Variants in EPHX1 observed in about 807,000 individuals in gnomAD.
EPHX1 encodes the protein epoxide hydrolase 1, also known as epoxide hydratase.
EPHX1 carries 40 observed loss-of-function variants against 43.2 expected under a neutral mutation model. That is an observed-to-expected ratio of 0.93 (90% CI 0.72 to 1.21). The LOEUF (loss-of-function observed/expected upper bound fraction) is 1.21. Among genes scored for constraint, EPHX1 ranks in the 50% most tolerant of loss-of-function variants. EPHX1 has a pLI of 0.00. For synonymous variants in EPHX1, 221 were observed against 226.7 expected, an observed-to-expected ratio of 0.98 and a Z score of 0.22; for missense variants, 550 against 570.4, an observed-to-expected ratio of 0.96 and a Z score of 0.36.
intron 3 of EPHX1, among the ~76,000 whole-genome samples, chr1:225,834,481 T>G (rs986317025): frequency 2.0e-5 from 3 of 150,302 alleles, no homozygotes; most frequent in African/African-American, 7.4e-5. Context: ...CTTGTTCTGA[T>G]GCAAGCAGGC....
intron 8 of EPHX1, 50 bp from the exon 9 acceptor site, chr1:225,845,096 A>AG (rs1019197129): frequency 2.5e-6 from 4 of 1,598,194 alleles, no homozygotes; most frequent in Non-Finnish European, 3.4e-6. Flanking sequence ...TGCAGGACGG[A>AG]GGGGCGCAGG....
intron 1 of EPHX1, among the ~76,000 whole-genome samples, chr1:225,825,708 G>A (rs543960956): frequency 6.6e-6 from 1 of 152,228 alleles, no homozygotes; most frequent in African/African-American, 2.4e-5. Context: ...CCAGTCACCA[G>A]TGCTGGGCAC....
intron 1 of EPHX1, among the ~76,000 whole-genome samples, chr1:225,813,171 G>A (rs1351297909): frequency 6.6e-6 from 1 of 152,242 alleles, no homozygotes; most frequent in African/African-American, 2.4e-5. Flanking sequence ...GACTCAGTGG[G>A]CCCTGTAGCC....
rs1352363574 is a variant in EPHX1 at position 225,810,183 on chromosome 1, G to T, written c.-6+14G>T. The T allele has an allele frequency of 1.3e-5, 2 of 151,478 alleles. No individual in the cohort carries two copies. Among genetic ancestry groups the T allele is most frequent in the East Asian group, 3.9e-4 (2 of 5,166 alleles). 9.4% of individuals were successfully genotyped at this position (151,478 alleles called of 1,614,324 possible). ...CGAGCCGAGACCGTAAGCGCCCGGGGCCGGCCGGGCCCGCACTCCCCGGAC... is the reference window on the plus strand; with the variant it reads ...CGAGCCGAGACCGTAAGCGCCCGGGTCCGGCCGGGCCCGCACTCCCCGGAC... On this transcript the variant is annotated intron_variant, in intron 1 of 8. Coordinates refer to ENST00000272167, the MANE Select transcript of EPHX1 (RefSeq NM_001136018.4).
chr1:225,838,249 A>G (rs1374428755), intron 3 of EPHX1, among the ~76,000 whole-genome samples: 1 of 152,186 alleles, frequency 6.6e-6, no homozygotes, highest in Admixed American at 6.5e-5. Flanking sequence ...TTAATCCTGT[A>G]TTGCTGGATA....
chr1:225,810,262 CG>C (rs1666409716), intron 1 of EPHX1, 93 bp downstream of exon 1: 1 of 151,240 alleles, frequency 6.6e-6, no homozygotes, highest in East Asian at 1.9e-4. Context: ...GGCGGCGGGC[CG>C]GGGCGCCGAG....
intron 6 of EPHX1, among the ~76,000 whole-genome samples, chr1:225,841,496 C>T (rs1668407843): frequency 6.6e-6 from 1 of 151,488 alleles, no homozygotes; most frequent in South Asian, 2.1e-4. Flanking sequence ...GTTGGCCAGG[C>T]TGGTCTCGAA....
At chr1:225,839,760 G>A (rs903486054) in intron 5 of EPHX1, 69 bp from the exon 6 acceptor site, 36 of 1,519,774 alleles carry the variant, frequency 2.4e-5, no homozygotes, top group Non-Finnish European at 2.9e-5. Flanking sequence ...CTGTTCCTCC[G>A]CCATCTCTCC....
chr1:225,839,250 A>G lies in EPHX1; in HGVS notation c.626A>G (p.Tyr209Cys), dbSNP rs760679600. ...TCGGTGGCCACCGCCAGGATCTTTT[A>G]CAAGCTGATGCTGCGGCTGGGCTTC... ...FNSVATARIF[Y>C]KLMLRLGFQE... The change falls in exon 5 of 9, where the codon TAC (tyrosine) becomes TGC (cysteine). Residue 209 changes from tyrosine (Y) to cysteine (C), a missense_variant. Coordinates refer to ENST00000272167, the MANE Select transcript of EPHX1 (RefSeq NM_001136018.4). 1.2e-6 allele frequency: 2 copies of G among 1,614,096 alleles called. No homozygotes were observed. The highest frequency in any genetic ancestry group is 1.7e-6 in the Non-Finnish European group (2 of 1,180,006).
At chr1:225,832,054 T>G in intron 3 of EPHX1, 95 bp downstream of exon 3, 1 of 1,387,078 alleles carries the variant, frequency 7.2e-7, no homozygotes, top group South Asian at 1.2e-5. Flanking sequence ...TTGGAGAGAT[T>G]CAGAACCCAA....
intron 1 of EPHX1, among the ~76,000 whole-genome samples, chr1:225,828,003 G>A: frequency 6.6e-6 from 1 of 152,264 alleles, no homozygotes; most frequent in Middle Eastern, 3.4e-3. Context: ...CCTCTCCCCT[G>A]GGGGAGGGAA....
intron 3 of EPHX1, among the ~76,000 whole-genome samples, chr1:225,833,188 CAT>C (rs975066610): frequency 1.1e-4 from 16 of 152,276 alleles, no homozygotes; most frequent in Non-Finnish European, 1.9e-4. Context: ...AGAAATTGTA[CAT>C]GTTAGGAATC....
rs1667905920 is a variant in EPHX1, at chr1:225,835,463, C to A, written c.365-3191C>A. Among the ~76,000 whole-genome samples, 4 of 148,216 alleles carry A rather than the reference C, an allele frequency of 2.7e-5. No homozygotes were observed. In the Admixed American group the frequency reaches 2.7e-4, roughly 10 times the overall value. On this transcript the variant is annotated intron_variant, in intron 3 of 8. Transcript: ENST00000272167. ...GGAGTGCAGTGACGCAATCTCGACT[C>A]ACTGCAAGCTCCGCCTCCCAGGTTC... is the stretch of plus-strand genomic sequence containing the variant.
At chr1:225,826,571 G>C (rs748706129) in intron 1 of EPHX1, among the ~76,000 whole-genome samples, 39 of 150,980 alleles carry the variant, frequency 2.6e-4, no homozygotes, top group Non-Finnish European at 4.4e-4. Context: ...GCACATGGTA[G>C]ACTGAGTAAA....
chr1:225,831,378 G>T (rs566256828), intron 2 of EPHX1, among the ~76,000 whole-genome samples: 1 of 151,872 alleles, frequency 6.6e-6, no homozygotes, highest in Non-Finnish European at 1.5e-5. Context: ...GCAAAACCCC[G>T]TCTCTACTAA....
intron 1 of EPHX1, among the ~76,000 whole-genome samples, chr1:225,826,193 G>A: frequency 6.6e-6 from 1 of 152,116 alleles, no homozygotes; most frequent in Non-Finnish European, 1.5e-5. Flanking sequence ...GCCAGGCACA[G>A]CAGCTCGTGC....
intron 1 of EPHX1, among the ~76,000 whole-genome samples, chr1:225,820,597 T>C (rs936873876): frequency 1.3e-5 from 2 of 152,210 alleles, no homozygotes; most frequent in Non-Finnish European, 2.9e-5. Flanking sequence ...ATGAGACTCT[T>C]GTGTTTTTTC....
rs376159954 is a variant in EPHX1, at chr1:225,817,754, G to A, written c.-6+7585G>A. Reference sequence around the variant, plus strand: ...AGCCAGGCCTGCCCAACTGTCGCAGGGCTGGGTCCACCTCATGGCCTTTGT... The same window carrying A: ...AGCCAGGCCTGCCCAACTGTCGCAGAGCTGGGTCCACCTCATGGCCTTTGT... On this transcript the variant is annotated intron_variant, in intron 1 of 8. Coordinates refer to ENST00000272167, the MANE Select transcript of EPHX1 (RefSeq NM_001136018.4). This position sits in a 1 kb window ranked among gnomAD's most constrained non-coding sequence, Gnocchi z 5.7. 5.3e-5 allele frequency among the ~76,000 whole-genome samples: 8 copies of A among 152,348 alleles called. No individual in the cohort carries two copies. In the East Asian group the frequency reaches 1.2e-3, roughly 22 times the overall value.
At chr1:225,833,119 G>C (rs970253540) in intron 3 of EPHX1, among the ~76,000 whole-genome samples, 1 of 152,128 alleles carries the variant, frequency 6.6e-6, no homozygotes, top group African/African-American at 2.4e-5. Flanking sequence ...CAGACCTCCT[G>C]AATAGCTGGT....
Sources: gnomAD v4.1 joint callset for allele counts (sites outside exome capture counted in the v4.1 genomes callset) on GRCh38, gnomAD v4.1.1 for gene constraint, Gnocchi (gnomAD v3.1) non-coding constraint, MANE v1.5 for transcripts, NCBI Gene and HGNC (gene_info 2026-07-23, HGNC 2026-07-21) for gene names.